Variants in FMNL2 observed in about 807,000 individuals in gnomAD.
FMNL2 encodes the protein formin-like protein 2.
A neutral mutation model predicts 130.2 loss-of-function variants in FMNL2; 51 were observed. The ratio of observed to expected loss-of-function variants is 0.39; its 90% CI spans 0.31 to 0.49. The LOEUF (loss-of-function observed/expected upper bound fraction) is 0.49, where lower values mean the gene tolerates loss of function less well. Ranked by LOEUF, FMNL2 falls within the 20% of genes least tolerant of loss-of-function variation. The probability of loss-of-function intolerance (pLI) is 0.85; values close to 1 mark genes in which losing one functional copy is unlikely to be tolerated. For missense variants in FMNL2, 977 were observed against 1,316.2 expected, an observed-to-expected ratio of 0.74 and a Z score of 3.99; for synonymous variants, 465 against 467.1, an observed-to-expected ratio of 1.00 and a Z score of 0.06.
At chr2:152,584,143 C>T (rs1370269090) in intron 9 of FMNL2, among the ~76,000 whole-genome samples, 1 of 151,438 alleles carries the variant, frequency 6.6e-6, no homozygotes, top group Non-Finnish European at 1.5e-5. Flanking sequence ...TTTTTTTTCA[C>T]ATCATAGTAA....
At chr2:152,450,537 C>T (rs1329654993) in intron 1 of FMNL2, among the ~76,000 whole-genome samples, 2 of 152,042 alleles carry the variant, frequency 1.3e-5, no homozygotes, top group East Asian at 3.9e-4. Flanking sequence ...TTCGAAAAAC[C>T]ATTCATTCTC....
In FMNL2 at chr2:152,498,401, G is replaced by A. The variant is rs141510923; in HGVS notation, c.118-23542G>A. Among the ~76,000 whole-genome samples the A allele has an allele frequency of 1.9e-3, 284 of 152,162 alleles. 2 individuals are homozygous for A. The highest frequency in any genetic ancestry group is 6.6e-3 in the African/African-American group (274 of 41,518). On this transcript the variant is annotated intron_variant, in intron 1 of 25. Transcript: ENST00000288670. Reference sequence around the variant, plus strand: ...AGTTAGGGTTTGAATTTCTGTTCTAGTGTTATGTTTGTATTTTACCATTTT... The same window carrying A: ...AGTTAGGGTTTGAATTTCTGTTCTAATGTTATGTTTGTATTTTACCATTTT...
chr2:152,414,456 TAGTC>T (rs1459229254), intron 1 of FMNL2, among the ~76,000 whole-genome samples: 2 of 152,216 alleles, frequency 1.3e-5, no homozygotes, highest in Non-Finnish European at 2.9e-5. Context: ...GGACATGTGT[TAGTC>T]AGAAGGGGAC....
intron 7 of FMNL2, among the ~76,000 whole-genome samples, chr2:152,577,517 G>A (rs945960654): frequency 6.6e-6 from 1 of 152,292 alleles, no homozygotes; most frequent in East Asian, 1.9e-4. Context: ...AGGTGAATGA[G>A]ATCAGTAGGG....
chr2:152,341,733 A>G (rs768384253), intron 1 of FMNL2, among the ~76,000 whole-genome samples: 8 of 152,256 alleles, frequency 5.3e-5, no homozygotes, highest in Non-Finnish European at 1.2e-4. Flanking sequence ...TGGCTTTTGA[A>G]GAGCTTTCAG....
chr2:152,601,836 A>T (rs866738210), intron 9 of FMNL2, among the ~76,000 whole-genome samples: 28 of 150,928 alleles, frequency 1.9e-4, no homozygotes, highest in African/African-American at 5.1e-4. Context: ...TGCCCAATTA[A>T]TTTTTGTATT....
At chr2:152,396,403 A>G (rs1049657587) in intron 1 of FMNL2, among the ~76,000 whole-genome samples, 12 of 152,252 alleles carry the variant, frequency 7.9e-5, no homozygotes, top group African/African-American at 2.9e-4. Flanking sequence ...TACAGTGGGC[A>G]GTCTTGTCAT....
intron 1 of FMNL2, among the ~76,000 whole-genome samples, chr2:152,431,965 T>TAAAAA (rs60639670): frequency 1.1e-4 from 9 of 82,154 alleles, no homozygotes; most frequent in African/African-American, 2.6e-4. Context: ...ACCCTATCTT[T>TAAAAA]AAAAAAAAAA....
chr2:152,443,704 G>A (rs879903240), intron 1 of FMNL2, among the ~76,000 whole-genome samples: 17 of 152,126 alleles, frequency 1.1e-4, no homozygotes, highest in Admixed American at 8.5e-4. Flanking sequence ...TTAGCCGGGC[G>A]TGGTGGCCGG....
At chr2:152,490,450 C>T (rs553416988) in intron 1 of FMNL2, among the ~76,000 whole-genome samples, 185 of 152,178 alleles carry the variant, frequency 1.2e-3, no homozygotes, top group Non-Finnish European at 1.8e-3. Flanking sequence ...TAAACATCGA[C>T]GTTCCTGGAA....
intron 1 of FMNL2, among the ~76,000 whole-genome samples, chr2:152,459,286 C>T (rs1381825658): frequency 3.9e-5 from 6 of 152,128 alleles, no homozygotes; most frequent in South Asian, 4.1e-4. Flanking sequence ...GATCTGAATT[C>T]GCACTGAACC....
At position 152,619,549 on chromosome 2, in the gene FMNL2, G is replaced by GCC; in HGVS notation, c.1669_1670dup (p.Pro558ArgfsTer31). ...TAACACCACCTATGCCACCGCCGCC[G>GCC]CCGCCCCCTCCTCCACCTCCTCCTC... On this transcript the variant is annotated frameshift_variant, in exon 15 of 26. Coordinates refer to ENST00000288670, the MANE Select transcript of FMNL2 (RefSeq NM_052905.4). LOFTEE classifies it high-confidence loss of function. 7.2e-7 allele frequency: 1 copy of GCC among 1,395,016 alleles called. No individual in the cohort carries two copies. Among genetic ancestry groups the GCC allele is most frequent in the Non-Finnish European group, 9.3e-7 (1 of 1,075,860 alleles). The allele number at this position is 1,395,016 out of a possible 1,614,324, so 86.4% of individuals were successfully genotyped here.
At position 152,603,136 on chromosome 2, in the gene FMNL2, G is replaced by A. The variant is rs193005710; in HGVS notation, c.877-4203G>A. ...CCTTTCCTTCCTCAGAAACAAAGTG[G>A]GGCTCTGGAATCCTTGCTGTGCCTG... On this transcript the variant is annotated intron_variant, in intron 9 of 25. Coordinates refer to ENST00000288670, the MANE Select transcript of FMNL2 (RefSeq NM_052905.4). 8.5e-5 allele frequency among the ~76,000 whole-genome samples: 13 copies of A among 152,254 alleles called. No individual in the cohort carries two copies. The East Asian group carries it at 1.7e-3, about 20-fold the overall frequency.
intron 2 of FMNL2, among the ~76,000 whole-genome samples, chr2:152,523,330 C>T (rs1362675861): frequency 1.3e-5 from 2 of 151,988 alleles, no homozygotes; most frequent in Admixed American, 1.3e-4. Context: ...GTGGCCTGAG[C>T]CACAAATTTG....
chr2:152,452,768 A>G (rs1040250817), intron 1 of FMNL2, among the ~76,000 whole-genome samples: 1 of 151,936 alleles, frequency 6.6e-6, no homozygotes, highest in African/African-American at 2.4e-5. Context: ...CGAGGGCCCG[A>G]TGGGGAGGGC....
chr2:152,633,164 C>T (rs1682298166), intron 21 of FMNL2, among the ~76,000 whole-genome samples: 1 of 151,440 alleles, frequency 6.6e-6, no homozygotes. Context: ...GACATGATCA[C>T]AGCTCACTGC....
chr2:152,645,567 A>G, intron 25 of FMNL2: 1 of 1,195,910 alleles, frequency 8.4e-7, no homozygotes, highest in South Asian at 1.3e-5. Context: ...CTCTCTCTGT[A>G]TGCAGATCAA....
intron 1 of FMNL2, among the ~76,000 whole-genome samples, chr2:152,499,584 T>C (rs1396092834): frequency 6.6e-6 from 1 of 152,208 alleles, no homozygotes; most frequent in African/African-American, 2.4e-5. Flanking sequence ...CCCAACTTTG[T>C]GATAGGTCAC....
In FMNL2 at chr2:152,522,078, C is replaced by G. The variant is rs1252736504; in HGVS notation, c.201+52C>G. 2.8e-6 allele frequency: 4 copies of G among 1,447,284 alleles called. No individual in the cohort carries two copies. In the African/African-American group the frequency reaches 5.7e-5, roughly 21 times the overall value. 89.7% of individuals were successfully genotyped at this position (1,447,284 alleles called of 1,614,324 possible). A position where few individuals can be genotyped will look rare whatever the true frequency, so the allele number is the denominator to read the frequency against. On this transcript the variant is annotated intron_variant, in intron 2 of 25. Coordinates refer to ENST00000288670, the MANE Select transcript of FMNL2 (RefSeq NM_052905.4). ...TGAAAAAAGTAATGAAAGAAGAGAT[C>G]CAGTGTGAATTTTATGGTATGTCAA...
Sources: allele counts gnomAD v4.1 joint callset (sites outside exome capture counted in the v4.1 genomes callset), GRCh38; gene constraint gnomAD v4.1.1; transcripts MANE v1.5; gene names NCBI Gene and HGNC (gene_info 2026-07-23, HGNC 2026-07-21).